Variants in GYS2 observed in about 807,000 individuals in gnomAD.
GYS2 encodes glycogen synthase 2.
In GYS2, 80 loss-of-function variants were observed where a neutral mutation model predicts 85.6. That is an observed-to-expected ratio of 0.93 (90% CI 0.78 to 1.13). GYS2 has a LOEUF of 1.13. GYS2 is among the 50% of genes most tolerant of loss of function. GYS2 has a pLI of 0.00. For synonymous variants in GYS2, 328 were observed against 300.7 expected, an observed-to-expected ratio of 1.09 and a Z score of -0.94; for missense variants, 881 against 854.9, an observed-to-expected ratio of 1.03 and a Z score of -0.38.
chr12:21,568,594 A>G (rs996015270), intron 5 of GYS2, among the ~76,000 whole-genome samples: 2 of 152,222 alleles, frequency 1.3e-5, no homozygotes, highest in African/African-American at 4.8e-5. Context: ...ATACCGACTC[A>G]TTATGACAAC....
intron 12 of GYS2, 115 bp from the exon 13 acceptor site, chr12:21,542,706 C>G (rs1943993803): frequency 1.4e-6 from 1 of 721,498 alleles, no homozygotes; most frequent in African/African-American, 1.7e-5. Context: ...CACTATGTGT[C>G]AGTCACAACA....
intron 10 of GYS2, 26 bp from the exon 11 acceptor site, chr12:21,558,339 T>A: frequency 2.9e-6 from 4 of 1,396,186 alleles, no homozygotes; most frequent in Non-Finnish European, 4.1e-6. Flanking sequence ...GAAGGAAATA[T>A]CAATTGCGGA....
At chr12:21,565,427 A>C (rs1358132720) in intron 5 of GYS2, among the ~76,000 whole-genome samples, 1 of 116,962 alleles carries the variant, frequency 8.5e-6, no homozygotes, top group African/African-American at 3.1e-5. Flanking sequence ...ATATATATAT[A>C]TATATATGGA....
intron 13 of GYS2, among the ~76,000 whole-genome samples, chr12:21,541,512 C>T (rs79262511): frequency 0.021 from 3,125 of 151,856 alleles, 64 homozygotes; most frequent in Non-Finnish European, 0.029. Flanking sequence ...CCAATATATG[C>T]ACTCTAAGAC....
chr12:21,582,622 GAT>G (rs1211213030), intron 1 of GYS2, among the ~76,000 whole-genome samples: 40 of 151,050 alleles, frequency 2.6e-4, no homozygotes, highest in African/African-American at 9.3e-4. Context: ...TATAGATATA[GAT>G]ATAGATATAG....
intron 4 of GYS2, among the ~76,000 whole-genome samples, chr12:21,572,352 G>A (rs2136900200): frequency 6.6e-6 from 1 of 152,232 alleles, no homozygotes; most frequent in East Asian, 1.9e-4. Flanking sequence ...TCATTTGTCT[G>A]AGTCAGAATT....
At position 21,580,443 on chromosome 12, in the gene GYS2, G is replaced by C; in HGVS notation, c.202C>G (p.Pro68Ala). 1 of 1,612,652 alleles carries C rather than the reference G, an allele frequency of 6.2e-7. No individual in the cohort carries two copies. The highest frequency in any genetic ancestry group is 8.5e-7 in the Non-Finnish European group (1 of 1,178,786). ...EWGENYFLIGPYFEHNMKTQV... is the reference protein window; with the variant it reads ...EWGENYFLIGAYFEHNMKTQV... Reference sequence around the variant, plus strand: ...GTCTTCATATTATGCTCAAAATATGGACCTATCAGAAAATAGTTCTCTCCC... The same window carrying C: ...GTCTTCATATTATGCTCAAAATATGCACCTATCAGAAAATAGTTCTCTCCC... The change falls in exon 2 of 16, where the codon CCA becomes GCA. Residue 68 changes from proline to alanine, a missense_variant. By Grantham distance (27) the Pro-to-Ala change is conservative (BLOSUM62 -1). Transcript: ENST00000261195.
intron 1 of GYS2, among the ~76,000 whole-genome samples, chr12:21,602,865 G>T (rs1944769532): frequency 6.6e-6 from 1 of 152,040 alleles, no homozygotes; most frequent in Admixed American, 6.6e-5. Context: ...TGAGAAAAGA[G>T]GAAAGCAGAA....
At chr12:21,576,503 A>G (rs1944448643) in intron 2 of GYS2, among the ~76,000 whole-genome samples, 1 of 152,218 alleles carries the variant, frequency 6.6e-6, no homozygotes, top group African/African-American at 2.4e-5. Context: ...TGCTAGAAGA[A>G]AAAGCTATTT....
chr12:21,559,233 G>T, intron 9 of GYS2, 64 bp from the exon 10 acceptor site: 3 of 808,900 alleles, frequency 3.7e-6, no homozygotes, highest in Non-Finnish European at 6.4e-6. Context: ...TGATTCCTAA[G>T]CATCAGATTA....
intron 1 of GYS2, among the ~76,000 whole-genome samples, chr12:21,588,273 G>A (rs1418398817): frequency 6.6e-6 from 1 of 152,156 alleles, no homozygotes; most frequent in African/African-American, 2.4e-5. Context: ...TTTCTTAAAT[G>A]TATTATTCCA....
At chr12:21,576,078 C>A in intron 2 of GYS2, 21 bp from the exon 3 acceptor site, 1 of 1,590,072 alleles carries the variant, frequency 6.3e-7, no homozygotes, top group South Asian at 1.1e-5. Flanking sequence ...AAGAACACAG[C>A]CATGTAGTGA....
At chr12:21,562,373 C>T (rs945142737) in intron 7 of GYS2, among the ~76,000 whole-genome samples, 9 of 152,114 alleles carry the variant, frequency 5.9e-5, no homozygotes, top group African/African-American at 1.7e-4. Context: ...CTATGTGGCA[C>T]GTGCTACTCT....
chr12:21,579,461 C>T (rs1386167890), intron 2 of GYS2, among the ~76,000 whole-genome samples: 1 of 149,464 alleles, frequency 6.7e-6, no homozygotes, highest in Non-Finnish European at 1.5e-5. Flanking sequence ...TCAAGTGATT[C>T]TCCTGCCTCA....
intron 8 of GYS2, 71 bp downstream of exon 8, chr12:21,560,315 G>T: frequency 1.2e-6 from 1 of 847,590 alleles, no homozygotes. Flanking sequence ...GGCGATACAT[G>T]AGATGTCATT....
At chr12:21,562,703 A>C (rs1565600398) in intron 7 of GYS2, among the ~76,000 whole-genome samples, 1 of 12,596 alleles carries the variant, frequency 7.9e-5, no homozygotes, top group Non-Finnish European at 2.4e-4. Flanking sequence ...TTCTCCAAAA[A>C]AAAAAAAAAA....
chr12:21,592,017 A>G (rs1055873591), intron 1 of GYS2, among the ~76,000 whole-genome samples: 2 of 152,100 alleles, frequency 1.3e-5, no homozygotes, highest in Non-Finnish European at 2.9e-5. Context: ...AAGTGACAGG[A>G]CACTGCCATT....
In GYS2 at chr12:21,551,116, C is replaced by T. The variant is rs544517377; in HGVS notation, c.1423-4646G>A. 9.3e-5 allele frequency among the ~76,000 whole-genome samples: 14 copies of T among 150,510 alleles called. 1 individual carries two copies. Among genetic ancestry groups the T allele is most frequent in the Admixed American group, 7.9e-4 (12 of 15,138 alleles). On this transcript the variant is annotated intron_variant, in intron 11 of 15. Coordinates refer to ENST00000261195, the MANE Select transcript of GYS2 (RefSeq NM_021957.4). ...TGCTGGTGTGCTGCACCCACTAACT[C>T]GTTATCTAGCATTAGGTATATCTCC...
rs375507795 is a variant in GYS2, at chr12:21,593,032, C to T, written c.121+11440G>A. 2.1e-4 allele frequency among the ~76,000 whole-genome samples: 32 copies of T among 151,862 alleles called. No individual in the cohort carries two copies. The East Asian group carries it at 4.4e-3, about 21-fold the overall frequency. ...ATTAAACAACATGCTCCTGAATGAA[C>T]GTTATGTCAAGAAGAAAATTAAGAA... On this transcript the variant is annotated intron_variant, in intron 1 of 15. Transcript: ENST00000261195.
Sources: allele counts gnomAD v4.1 joint callset (sites outside exome capture counted in the v4.1 genomes callset), GRCh38; gene constraint gnomAD v4.1.1; transcripts MANE v1.5; gene names NCBI Gene and HGNC (gene_info 2026-07-23, HGNC 2026-07-21).